Variants in DRC4 observed in about 807,000 individuals in gnomAD.
DRC4 encodes dynein regulatory complex subunit 4, also known as GAS-11.
At chr16:90,038,459 C>T in the DRC4 span, among the ~76,000 whole-genome samples, 3 of 152,296 alleles carry the variant, frequency 2.0e-5, no homozygotes, top group East Asian at 3.9e-4. Context: ...ATCATTTAGC[C>T]GACTCCCGTC....
the DRC4 span, among the ~76,000 whole-genome samples, chr16:90,039,280 C>T: frequency 6.6e-6 from 1 of 152,228 alleles, no homozygotes; most frequent in Non-Finnish European, 1.5e-5. Flanking sequence ...AATGTGGTTC[C>T]TGACAGTGTC....
the DRC4 span, among the ~76,000 whole-genome samples, chr16:90,030,217 T>G: frequency 6.6e-6 from 1 of 152,216 alleles, no homozygotes; most frequent in African/African-American, 2.4e-5. Flanking sequence ...AAAGGTGAAT[T>G]TTTTTTCATT....
chr16:90,026,134 C>T, the DRC4 span, among the ~76,000 whole-genome samples: 2 of 149,778 alleles, frequency 1.3e-5, no homozygotes, highest in Non-Finnish European at 1.5e-5. Flanking sequence ...AAAAGGTTAC[C>T]GAGACATGTA....
At chr16:90,020,021 AC>A in the DRC4 span, 2 of 697,584 alleles carry the variant, frequency 2.9e-6, no homozygotes, top group African/African-American at 3.5e-5. Flanking sequence ...GATGAAACTG[AC>A]CCCCATGTCC....
the DRC4 span, among the ~76,000 whole-genome samples, chr16:90,041,569 G>GC: frequency 6.6e-6 from 1 of 152,200 alleles, no homozygotes; most frequent in Non-Finnish European, 1.5e-5. Flanking sequence ...ACTTTGGGAG[G>GC]CTGAGGTGGG....
the DRC4 span, chr16:90,022,621 G>T: frequency 1.5e-6 from 2 of 1,302,700 alleles, no homozygotes; most frequent in South Asian, 3.2e-5. Context: ...AGGATCTTGT[G>T]ACTTATCGCG....
chr16:90,023,065 C>T, the DRC4 span, among the ~76,000 whole-genome samples: 2 of 152,168 alleles, frequency 1.3e-5, no homozygotes, highest in Admixed American at 6.5e-5. Flanking sequence ...CAGACTCGGT[C>T]TGTTGGATCC....
chr16:90,027,383 C>T, the DRC4 span, among the ~76,000 whole-genome samples: 3 of 152,170 alleles, frequency 2.0e-5, no homozygotes, highest in Non-Finnish European at 4.4e-5. Context: ...CCACCACGCC[C>T]GGCTCCTCTC....
the DRC4 span, chr16:90,036,865 G>A: frequency 1.4e-3 from 844 of 593,542 alleles, 7 homozygotes; most frequent in African/African-American, 0.013. Flanking sequence ...AGATGGAACC[G>A]CAGTGAGGGC....
chr16:90,043,420 G>C, the DRC4 span: 1 of 1,388,596 alleles, frequency 7.2e-7, no homozygotes. Flanking sequence ...TCACACCAAG[G>C]ACAGCAAGTT....
chr16:90,032,115 G>T, the DRC4 span, among the ~76,000 whole-genome samples: 2 of 151,770 alleles, frequency 1.3e-5, no homozygotes, highest in African/African-American at 4.9e-5. Flanking sequence ...GACCAGGTGT[G>T]TACAGGTATG....
the DRC4 span, among the ~76,000 whole-genome samples, chr16:90,025,506 C>T: frequency 4.6e-5 from 7 of 150,890 alleles, no homozygotes; most frequent in African/African-American, 1.5e-4. Flanking sequence ...AAAAATTAGC[C>T]GGACGTGGTG....
chr16:90,037,294 T>TGGGCAGAACAAGCGCC, the DRC4 span: 1 of 1,613,916 alleles, frequency 6.2e-7, no homozygotes, highest in South Asian at 1.1e-5. Context: ...CAGAGGTGTC[T>TGGGCAGAACAAGCGCC]GGGCAGAACA....
chr16:90,029,268 C>A, the DRC4 span: 23 of 1,365,884 alleles, frequency 1.7e-5, no homozygotes, highest in South Asian at 5.7e-5. Context: ...CAGAAGGCTT[C>A]TTCAGGGTCC....
chr16:90,043,478 C>A, the DRC4 span: 1 of 927,550 alleles, frequency 1.1e-6, no homozygotes, highest in Non-Finnish European at 1.6e-6. Flanking sequence ...ATGTTCTTGC[C>A]ATCCTCTTTC....
the DRC4 span, among the ~76,000 whole-genome samples, chr16:90,026,061 G>A: frequency 7.1e-4 from 108 of 152,178 alleles, no homozygotes; most frequent in South Asian, 5.8e-3. Flanking sequence ...GGAGTCTGCA[G>A]TGAGCTATGT....
the DRC4 span, chr16:90,032,889 C>G: frequency 8.7e-6 from 14 of 1,613,700 alleles, no homozygotes; most frequent in African/African-American, 2.7e-5. Flanking sequence ...GGAGCAGGAG[C>G]TGGCCAGTGA....
the DRC4 span, among the ~76,000 whole-genome samples, chr16:90,041,436 G>C: frequency 6.6e-6 from 1 of 152,196 alleles, no homozygotes; most frequent in African/African-American, 2.4e-5. Context: ...AGAAGTCCCT[G>C]CCTCGCCACG....
the DRC4 span, among the ~76,000 whole-genome samples, chr16:90,026,338 C>T: frequency 7.9e-5 from 12 of 152,108 alleles, no homozygotes; most frequent in Non-Finnish European, 1.6e-4. Context: ...GTCAAAGTTG[C>T]TAAAACCACG....
Sources: allele counts gnomAD v4.1 joint callset (sites outside exome capture counted in the v4.1 genomes callset), GRCh38; gene constraint gnomAD v4.1.1; transcripts MANE v1.5; gene names NCBI Gene and HGNC (gene_info 2026-07-23, HGNC 2026-07-21).